The following FHOD3 variants were observed in gnomAD, a reference collection of about 807,000 sequenced individuals.
FHOD3 encodes the protein formin homology 2 domain containing 3.
Under a neutral mutation model 173.0 loss-of-function variants are expected in FHOD3, and 90 were observed. The observed-to-expected ratio is 0.52, with a 90% CI of 0.44 to 0.62. The LOEUF (loss-of-function observed/expected upper bound fraction) is 0.62. FHOD3 is among the 20% of genes least tolerant of loss of function. The probability of loss-of-function intolerance (pLI) is 0.00; values close to 1 mark genes in which losing one functional copy is unlikely to be tolerated. For synonymous variants in FHOD3, 828 were observed against 823.0 expected (o/e 1.01, Z -0.10); for missense variants, 1,945 against 2,034.7 (o/e 0.96, Z 0.85).
chr18:36,599,429 A>G (rs1028509672), intron 7 of FHOD3, among the ~76,000 whole-genome samples: 1 of 152,242 alleles, frequency 6.6e-6, no homozygotes, highest in Admixed American at 6.5e-5. Flanking sequence ...GCTTAAGAGT[A>G]TATCTATCTG....
chr18:36,777,126 C>T (rs2043719233), intron 28 of FHOD3, among the ~76,000 whole-genome samples: 1 of 151,976 alleles, frequency 6.6e-6, no homozygotes, highest in South Asian at 2.1e-4. Flanking sequence ...CTGATGTCCA[C>T]ACCACCTTCT....
chr18:36,707,358 A>G (rs1007128971), intron 17 of FHOD3, among the ~76,000 whole-genome samples: 8 of 152,132 alleles, frequency 5.3e-5, no homozygotes, highest in East Asian at 1.9e-4. Context: ...CCAGTAGAAG[A>G]TGCACAACCT....
chr18:36,602,628 A>C, intron 7 of FHOD3, 46 bp from the exon 8 acceptor site: 1 of 1,330,588 alleles, frequency 7.5e-7, no homozygotes, highest in African/African-American at 1.4e-5. Context: ...TTAGATAAAG[A>C]ATGTTGATGA....
intron 17 of FHOD3, among the ~76,000 whole-genome samples, chr18:36,698,027 T>C (rs919357996): frequency 6.6e-6 from 1 of 152,218 alleles, no homozygotes; most frequent in Non-Finnish European, 1.5e-5. Flanking sequence ...AATGGAATAT[T>C]GTCCATCATC....
intron 14 of FHOD3, among the ~76,000 whole-genome samples, chr18:36,674,402 C>T (rs554039639): frequency 2.2e-4 from 34 of 152,196 alleles, no homozygotes; most frequent in Middle Eastern, 3.4e-3. Flanking sequence ...TTTTGAGAGA[C>T]AGGGTCTTGC....
chr18:36,448,145 T>C (rs760898548), intron 3 of FHOD3, among the ~76,000 whole-genome samples: 1 of 152,210 alleles, frequency 6.6e-6, no homozygotes, highest in Non-Finnish European at 1.5e-5. Context: ...CACTCTAAGC[T>C]TCTTATAATA....
At chr18:36,349,454 G>A (rs1274625373) in intron 1 of FHOD3, among the ~76,000 whole-genome samples, 2 of 152,196 alleles carry the variant, frequency 1.3e-5, no homozygotes, top group South Asian at 2.1e-4. Context: ...AAGCACTTGC[G>A]CTTTCCATTA....
At chr18:36,501,508 C>T (rs948938077) in intron 3 of FHOD3, among the ~76,000 whole-genome samples, 1 of 152,096 alleles carries the variant, frequency 6.6e-6, no homozygotes, top group African/African-American at 2.4e-5. Flanking sequence ...GTTCTGGCTG[C>T]GTGGGTTTTT....
At chr18:36,756,449 C>A (rs2042638193) in intron 25 of FHOD3, among the ~76,000 whole-genome samples, 1 of 152,124 alleles carries the variant, frequency 6.6e-6, no homozygotes, top group Non-Finnish European at 1.5e-5. Context: ...ACAGGGCGTG[C>A]CATCATCTGG....
intron 3 of FHOD3, among the ~76,000 whole-genome samples, chr18:36,444,724 A>G (rs1403017608): frequency 6.6e-6 from 1 of 152,030 alleles, no homozygotes; most frequent in Non-Finnish European, 1.5e-5. Flanking sequence ...TCCTTTTTTA[A>G]ACTTTAACAT....
At chr18:36,352,810 T>C (rs1157789546) in intron 1 of FHOD3, among the ~76,000 whole-genome samples, 1 of 152,260 alleles carries the variant, frequency 6.6e-6, no homozygotes, top group African/African-American at 2.4e-5. Context: ...AAAGTGTTGA[T>C]ACTATCAGCT....
chr18:36,594,742 A>AG (rs2030017701), intron 6 of FHOD3, 45 bp from the exon 7 acceptor site: 1 of 1,414,956 alleles, frequency 7.1e-7, no homozygotes, highest in African/African-American at 1.4e-5. Context: ...TCTGGTGCAC[A>AG]GGGCCTTGTT....
chr18:36,651,279 A>G (rs888818068), intron 11 of FHOD3, among the ~76,000 whole-genome samples: 71 of 152,166 alleles, frequency 4.7e-4, no homozygotes, highest in African/African-American at 1.6e-3. Flanking sequence ...CTCACATTCC[A>G]TGTTCACACG....
intron 3 of FHOD3, among the ~76,000 whole-genome samples, chr18:36,471,538 G>A (rs907813430): frequency 9.9e-5 from 15 of 152,184 alleles, no homozygotes; most frequent in African/African-American, 3.6e-4. Context: ...ACAAAGAGAA[G>A]TCCAGGCAAT....
intron 3 of FHOD3, among the ~76,000 whole-genome samples, chr18:36,404,778 T>C (rs920149384): frequency 6.6e-6 from 1 of 152,370 alleles, no homozygotes; most frequent in East Asian, 1.9e-4. Context: ...TCCTTGGACC[T>C]GAGGGCTGCC....
intron 2 of FHOD3, among the ~76,000 whole-genome samples, chr18:36,366,006 C>G (rs555108677): frequency 6.6e-6 from 1 of 152,140 alleles, no homozygotes; most frequent in Non-Finnish European, 1.5e-5. Flanking sequence ...GGTGCTTCCA[C>G]CTGGGTCCCC....
At chr18:36,335,065 C>T (rs1036917151) in intron 1 of FHOD3, among the ~76,000 whole-genome samples, 1 of 152,188 alleles carries the variant, frequency 6.6e-6, no homozygotes, top group African/African-American at 2.4e-5. Context: ...GGGCTAGGCT[C>T]ATGGATGCAC....
At chr18:36,567,323 A>G (rs2147804752) in intron 5 of FHOD3, among the ~76,000 whole-genome samples, 1 of 152,294 alleles carries the variant, frequency 6.6e-6, no homozygotes, top group Non-Finnish European at 1.5e-5. Flanking sequence ...AAAAGAAGAG[A>G]AAGGATTACA....
chr18:36,539,428 G>C (rs1163341389), intron 5 of FHOD3, among the ~76,000 whole-genome samples: 1 of 152,206 alleles, frequency 6.6e-6, no homozygotes, highest in South Asian at 2.1e-4. Context: ...AGGCCATTGC[G>C]TAGAAAGTGT....
Sources: gnomAD v4.1 joint callset for allele counts (sites outside exome capture counted in the v4.1 genomes callset) on GRCh38, gnomAD v4.1.1 for gene constraint, MANE v1.5 for transcripts, NCBI Gene and HGNC (gene_info 2026-07-23, HGNC 2026-07-21) for gene names.